TBC1D16: variants seen among roughly 807,000 people sequenced by gnomAD.
TBC1D16 encodes the protein TBC1 domain family member 16.
In TBC1D16, 58 loss-of-function variants were observed where a neutral mutation model predicts 74.7. That is an observed-to-expected ratio of 0.78 (90% CI 0.63 to 0.97). The LOEUF (loss-of-function observed/expected upper bound fraction) is 0.97, where lower values mean the gene tolerates loss of function less well. TBC1D16 is among the 50% of genes least tolerant of loss of function. The pLI is 0.00. For missense variants in TBC1D16, 1,014 were observed against 1,079.5 expected, an observed-to-expected ratio of 0.94 and a Z score of 0.85; for synonymous variants, 493 against 474.7, an observed-to-expected ratio of 1.04 and a Z score of -0.50.
chr17:80,010,076 C>G lies in TBC1D16; in HGVS notation c.779+84G>C, dbSNP rs1598422091. ...GATGCCTCCAGCGCTCACCTGGCAT[C>G]ACAGGTGACGCAGGTGAGTGCTTCC... On this transcript the variant is annotated intron_variant, in intron 3 of 11. Transcript: ENST00000310924. The surrounding 1 kb of genome is among the most constrained non-coding windows in gnomAD (Gnocchi z 8.8). 10 of 1,167,964 alleles carry G rather than the reference C, an allele frequency of 8.6e-6. No individual in the cohort carries two copies. The East Asian group carries it at 2.5e-4, about 29-fold the overall frequency. The allele number at this position is 1,167,964 out of a possible 1,614,324, so 72.4% of individuals were successfully genotyped here.
intron 3 of TBC1D16, among the ~76,000 whole-genome samples, chr17:79,999,857 T>A (rs563552340): frequency 1.3e-5 from 2 of 152,198 alleles, no homozygotes; most frequent in East Asian, 3.9e-4. Flanking sequence ...CTCGAATTTC[T>A]AAAATGAACA....
intron 3 of TBC1D16, among the ~76,000 whole-genome samples, chr17:79,977,168 C>A (rs1328865452): frequency 6.6e-6 from 1 of 152,220 alleles, no homozygotes; most frequent in Admixed American, 6.5e-5. Context: ...AGGCGAACCC[C>A]AGCCCAACGT....
At chr17:80,029,038 C>G (rs1005971885) in intron 1 of TBC1D16, among the ~76,000 whole-genome samples, 2 of 152,178 alleles carry the variant, frequency 1.3e-5, no homozygotes, top group African/African-American at 4.8e-5. Flanking sequence ...CAAAAATACA[C>G]AGGCTCATAA....
At chr17:79,949,060 G>C in intron 7 of TBC1D16, 54 bp from the exon 8 acceptor site, 1 of 1,609,768 alleles carries the variant, frequency 6.2e-7, no homozygotes. Flanking sequence ...CAGAGGCATC[G>C]TGTGGCGCAC....
At chr17:79,943,119 AG>A (rs1254126980) in intron 10 of TBC1D16, among the ~76,000 whole-genome samples, 1 of 152,188 alleles carries the variant, frequency 6.6e-6, no homozygotes, top group Non-Finnish European at 1.5e-5. Context: ...GGCTGAGCGG[AG>A]CACACCATGA....
chr17:80,024,721 C>T (rs1487884642), intron 1 of TBC1D16, among the ~76,000 whole-genome samples: 5 of 79,404 alleles, frequency 6.3e-5, no homozygotes, highest in Non-Finnish European at 1.1e-4. Context: ...ACCATAGTCA[C>T]ACCACACATA....
chr17:79,952,912 C>A lies in TBC1D16; in HGVS notation c.780-94G>T, dbSNP rs1041862308. 2.4e-5 allele frequency: 34 copies of A among 1,445,572 alleles called. No individual in the cohort carries two copies. In the Admixed American group the frequency reaches 2.4e-4, roughly 10 times the overall value. The allele number at this position is 1,445,572 out of a possible 1,614,324, so 89.5% of individuals were successfully genotyped here. On this transcript the variant is annotated intron_variant, in intron 3 of 11. Transcript: ENST00000310924. ...GTCATGGGGGAGTCATTTAAACCTACGCACCAAGCTTAAACACACATACAG... is the reference window on the plus strand; with the variant it reads ...GTCATGGGGGAGTCATTTAAACCTAAGCACCAAGCTTAAACACACATACAG...
chr17:79,971,916 G>T lies in TBC1D16; in HGVS notation c.780-19098C>A, dbSNP rs114293384. ...TTGTGGGGAAGAAAGAGCCTGAGTG[G>T]GTGCAGGGACAAGGAAGGTCTGCGG... On this transcript the variant is annotated intron_variant, in intron 3 of 11. Transcript: ENST00000310924. This position sits in a 1 kb window ranked among gnomAD's most constrained non-coding sequence, Gnocchi z 4.6. 4.7e-4 allele frequency among the ~76,000 whole-genome samples: 72 copies of T among 152,260 alleles called. No individual in the cohort carries two copies. Among genetic ancestry groups the T allele is most frequent in the African/African-American group, 1.3e-3 (56 of 41,562 alleles).
chr17:79,947,613 C>A (rs372478843), intron 9 of TBC1D16, 32 bp downstream of exon 9: 1 of 1,610,346 alleles, frequency 6.2e-7, no homozygotes, highest in Non-Finnish European at 8.5e-7. Context: ...CCCTCACATG[C>A]CCTTGGACGC....
rs190755322 is a variant in TBC1D16, at chr17:80,019,483, T to C, written c.-62-5874A>G. Among the ~76,000 whole-genome samples the C allele has an allele frequency of 2.6e-3, 365 of 137,980 alleles. 43 individuals carry two copies. The highest frequency in any genetic ancestry group is 0.01 in the African/African-American group (356 of 34,916). 90.5% of individuals were successfully genotyped at this position (137,980 alleles called of 152,430 possible). On this transcript the variant is annotated intron_variant, in intron 1 of 11. Transcript: ENST00000310924. ...AGATTGTTCTGGAGAGACTGGGCTC[T>C]TTTTGGAGAAATGGAGCATGTCTAT... is the stretch of plus-strand genomic sequence containing the variant.
Position 80,010,331 on chromosome 17 carries a change from C to T in TBC1D16, c.608G>A (p.Arg203Gln), listed in dbSNP as rs746792976. Reference protein sequence around the residue: ...QDVTEEGREPRPEAGEEDGSL... With the variant: ...QDVTEEGREPQPEAGEEDGSL... ...GCCATCCTCCTCCCCGGCCTCGGGCCGCGGCTCCCGCCCCTCCTCGGTGAC... is the reference window on the plus strand; with the variant it reads ...GCCATCCTCCTCCCCGGCCTCGGGCTGCGGCTCCCGCCCCTCCTCGGTGAC... The change falls in exon 3 of 12, where the codon CGG (arginine) becomes CAG (glutamine). Residue 203 changes from arginine to glutamine, a missense_variant. Transcript: ENST00000310924. The surrounding 1 kb of genome is among the most constrained non-coding windows in gnomAD (Gnocchi z 8.8). 8.1e-6 allele frequency: 13 copies of T among 1,610,224 alleles called. No homozygotes were observed. In the Admixed American group the frequency reaches 1.7e-4, roughly 21 times the overall value.
At chr17:80,005,902 G>A (rs762677190) in intron 3 of TBC1D16, among the ~76,000 whole-genome samples, 3 of 152,136 alleles carry the variant, frequency 2.0e-5, no homozygotes, top group Non-Finnish European at 4.4e-5. Flanking sequence ...CTAGGCCCCC[G>A]GGGTGGGGTG....
intron 3 of TBC1D16, among the ~76,000 whole-genome samples, chr17:79,968,292 C>T (rs968164055): frequency 2.0e-5 from 3 of 152,328 alleles, no homozygotes; most frequent in African/African-American, 4.8e-5. Flanking sequence ...AGGCATGAGC[C>T]GCTGCACCCA....
At chr17:80,014,185 C>G (rs2036006362) in intron 1 of TBC1D16, among the ~76,000 whole-genome samples, 1 of 151,986 alleles carries the variant, frequency 6.6e-6, no homozygotes, top group Non-Finnish European at 1.5e-5. Flanking sequence ...GGTGAAACAT[C>G]ATCTCTACCA....
chr17:79,984,867 T>C (rs978375535), intron 3 of TBC1D16, among the ~76,000 whole-genome samples: 69 of 152,140 alleles, frequency 4.5e-4, no homozygotes, highest in African/African-American at 1.6e-3. Context: ...AAGCAGGTCC[T>C]AAGGCCTCCC....
chr17:79,945,093 G>A lies in TBC1D16; in HGVS notation c.1729-6C>T, dbSNP rs964488986. The A allele has an allele frequency of 3.2e-5, 50 of 1,574,360 alleles. No homozygotes were observed. Among genetic ancestry groups the A allele is most frequent in the South Asian group, 4.7e-5 (4 of 85,626 alleles). ...AGCAGCTCGCGCAGGTACAGCTGGG[G>A]GTGAGGCCGTCACGCGTTAGTTAGC... On this transcript the variant is annotated splice_region_variant and splice_polypyrimidine_tract_variant and intron_variant, in intron 9 of 11. Coordinates refer to ENST00000310924, the MANE Select transcript of TBC1D16 (RefSeq NM_019020.4).
chr17:79,963,050 CA>C lies in TBC1D16; in HGVS notation c.780-10233del, dbSNP rs563226514. On this transcript the variant is annotated intron_variant, in intron 3 of 11. Transcript: ENST00000310924. ...GGGCAACAAGAGCAAAACTCCATCT[CA>C]AAAAAAAAAAAAAATTAGCCAGGTG... 2.8e-3 allele frequency among the ~76,000 whole-genome samples: 340 copies of C among 120,166 alleles called. 2 individuals carry two copies. Among genetic ancestry groups the C allele is most frequent in the Middle Eastern group, 4.6e-3 (1 of 216 alleles). The allele number at this position is 120,166 out of a possible 152,430, so 78.8% of individuals were successfully genotyped here.
chr17:80,014,871 C>A (rs1406255649), intron 1 of TBC1D16, among the ~76,000 whole-genome samples: 1 of 152,196 alleles, frequency 6.6e-6, no homozygotes, highest in South Asian at 2.1e-4. Context: ...AGAACTTCTG[C>A]CCCGTGAGGA....
At position 79,985,810 on chromosome 17, in the gene TBC1D16, C is replaced by A; in HGVS notation, c.779+24350G>T. On this transcript the variant is annotated intron_variant, in intron 3 of 11. Coordinates refer to ENST00000310924, the MANE Select transcript of TBC1D16 (RefSeq NM_019020.4). This position sits in a 1 kb window ranked among gnomAD's most constrained non-coding sequence, Gnocchi z 4.9. ...TGTCCTAGAGTATTTGTTCTGCTGG[C>A]TCCCACCTCGCAGCCACAACTTCAA... 6.6e-6 allele frequency among the ~76,000 whole-genome samples: 1 copy of A among 152,222 alleles called. No individual in the cohort carries two copies.
Sources: allele counts gnomAD v4.1 joint callset (sites outside exome capture counted in the v4.1 genomes callset), GRCh38; gene constraint gnomAD v4.1.1; non-coding constraint Gnocchi (gnomAD v3.1); transcripts MANE v1.5; gene names NCBI Gene and HGNC (gene_info 2026-07-23, HGNC 2026-07-21).